CANX: variants seen among roughly 807,000 people sequenced by gnomAD.
The protein encoded by CANX is calnexin, also known as epididymis secretory sperm binding protein.
A neutral mutation model predicts 75.7 loss-of-function variants in CANX; 14 were observed. That is an observed-to-expected ratio of 0.19 (90% CI 0.12 to 0.29). The LOEUF (loss-of-function observed/expected upper bound fraction) is 0.29, where lower values mean the gene tolerates loss of function less well. Ranked by LOEUF, CANX falls within the 10% of genes least tolerant of loss-of-function variation. The pLI is 1.00. For missense variants in CANX, 567 were observed against 713.2 expected (o/e 0.79, Z 2.34); for synonymous variants, 227 against 236.9 (o/e 0.96, Z 0.38).
At chr5:179,725,304 T>A (rs528053610) in intron 13 of CANX, among the ~76,000 whole-genome samples, 1 of 151,964 alleles carries the variant, frequency 6.6e-6, no homozygotes, top group Non-Finnish European at 1.5e-5. Flanking sequence ...CCTCCCAGAT[T>A]CAAGCGATTC....
upstream of CANX, chr5:179,698,362 T>C (rs1581829960): frequency 1.8e-5 from 21 of 1,177,476 alleles, no homozygotes; most frequent in South Asian, 3.2e-4. Context: ...CGCAGGCTCC[T>C]GGGCCGAGCC....
rs566852522 is a variant in CANX, at chr5:179,692,768, G to A, written c.-3-12911G>A. Among the ~76,000 whole-genome samples the A allele has an allele frequency of 4.6e-5, 7 of 152,140 alleles. No homozygotes were observed. The South Asian group carries it at 1.2e-3, about 27-fold the overall frequency. The stretch of plus-strand genomic sequence containing the variant: ...TGGGCTCAAGTGATCTGCCTGCCTC[G>A]GCCTCCCAAATTGCTGGCATTACTG... On this transcript the variant is annotated intron_variant, in intron 1 of 14. Transcript: ENST00000681674.
Position 179,723,753 on chromosome 5 carries a change from G to A in CANX, c.1492G>A (p.Val498Ile), listed in dbSNP as rs765315948. ...AACTGTAGCCCTTCCTGTGTTCCTG[G>A]TTATCCTCTTCTGCTGTTCTGGAAA... is the stretch of plus-strand genomic sequence containing the variant. ...ILTVALPVFL[V>I]ILFCCSGKKQ... The change falls in exon 12 of 15, where the codon GTT (valine) becomes ATT (isoleucine). Residue 498 changes from valine to isoleucine, a missense_variant. By Grantham distance (29) the Val-to-Ile change is conservative. Coordinates refer to ENST00000247461, the MANE Select transcript of CANX (RefSeq NM_001746.4). The A allele has an allele frequency of 1.2e-6, 2 of 1,612,150 alleles. No homozygotes were observed.
Position 179,726,599 on chromosome 5 carries a change from G to GAT in CANX, c.1646-80_1646-79dup. On this transcript the variant is annotated intron_variant, in intron 13 of 14. Transcript: ENST00000247461. ...TCCAAAAAAAAAAAAAAAAATTGTA[G>GAT]ATCTAGAGATGTGTTCTAATGCTAA... 6 of 754,096 alleles carry GAT rather than the reference G, an allele frequency of 8.0e-6. No individual in the cohort carries two copies. In the South Asian group the frequency reaches 1.1e-4, roughly 13 times the overall value. 46.7% of individuals were successfully genotyped at this position (754,096 alleles called of 1,614,324 possible). A position where few individuals can be genotyped will look rare whatever the true frequency, so the allele number is the denominator to read the frequency against.
chr5:179,707,360 A>G (rs1204825094), intron 4 of CANX, among the ~76,000 whole-genome samples, 170 bp downstream of exon 4: 1 of 152,160 alleles, frequency 6.6e-6, no homozygotes, highest in Non-Finnish European at 1.5e-5. Context: ...CAAGGCGGGC[A>G]GATCACGAGG....
intron 6 of CANX, 21 bp downstream of exon 6, chr5:179,709,080 G>C (rs1777345838): frequency 2.1e-6 from 3 of 1,402,874 alleles, no homozygotes; most frequent in Non-Finnish European, 3.0e-6. Flanking sequence ...CCCATTTCTG[G>C]AATGTGGCTG....
rs1473921251 is a variant in CANX at position 179,730,885 on chromosome 5, G to A, written c.*2241G>A. The stretch of plus-strand genomic sequence containing the variant: ...TACTCCTCACTTTTCAATTTGTCAT[G>A]TTACTAAATGGTGTTACATTAAAGC... On this transcript the variant is annotated 3_prime_UTR_variant, in exon 15 of 15. Transcript: ENST00000247461. 2.0e-5 allele frequency: 3 copies of A among 152,182 alleles called. No homozygotes were observed. The highest frequency in any genetic ancestry group is 2.9e-5 in the Non-Finnish European group (2 of 68,046). 9.4% of individuals were successfully genotyped at this position (152,182 alleles called of 1,614,324 possible).
intron 1 of CANX, among the ~76,000 whole-genome samples, chr5:179,692,447 T>G (rs1003584289): frequency 6.6e-6 from 1 of 152,076 alleles, no homozygotes; most frequent in Non-Finnish European, 1.5e-5. Context: ...GTGGTTCACA[T>G]CTGTAATCCC....
In CANX at chr5:179,684,530, C is replaced by T. The variant is rs903642699; in HGVS notation, c.-4+5753C>T. Among the ~76,000 whole-genome samples, 6 of 151,120 alleles carry T rather than the reference C, an allele frequency of 4.0e-5. No individual in the cohort carries two copies. In the East Asian group the frequency reaches 5.9e-4, roughly 15 times the overall value. On this transcript the variant is annotated intron_variant, in intron 1 of 14. Coordinates refer to the CANX transcript ENST00000681674. ...AATTTTTTTGTATTTTTAGTAGAGA[C>T]GGGGTTTCACTGTGTTAGCCAGGAT...
chr5:179,698,707 C>A, upstream of CANX: 1 of 858,088 alleles, frequency 1.2e-6, no homozygotes. Flanking sequence ...GCGCGCCCGG[C>A]GGTCTCGATC....
chr5:179,681,633 G>C (rs1776067420), intron 1 of CANX, among the ~76,000 whole-genome samples: 1 of 152,138 alleles, frequency 6.6e-6, no homozygotes, highest in African/African-American at 2.4e-5. Context: ...CAGGGCAGCT[G>C]AGAGTTACCA....
Position 179,708,221 on chromosome 5 carries a change from T to C in CANX, c.305-18T>C. On this transcript the variant is annotated intron_variant, in intron 4 of 14. Coordinates refer to ENST00000247461, the MANE Select transcript of CANX (RefSeq NM_001746.4). ...GAGGTAGAGTTAAGCAGTGGAACTT[T>C]TTTGTGTTGTCTTGTAGGAAAGTGG... 6.2e-7 allele frequency: 1 copy of C among 1,612,168 alleles called. No homozygotes were observed. The highest frequency in any genetic ancestry group is 1.3e-5 in the African/African-American group (1 of 74,984).
At chr5:179,706,213 T>G in intron 2 of CANX, 45 bp from the exon 3 acceptor site, 1 of 1,080,056 alleles carries the variant, frequency 9.3e-7, no homozygotes, top group Non-Finnish European at 1.4e-6. Context: ...AAAAGGCATG[T>G]TGCTGAAAAT....
At chr5:179,702,899 A>C (rs1181052455) in intron 1 of CANX, among the ~76,000 whole-genome samples, 1 of 151,944 alleles carries the variant, frequency 6.6e-6, no homozygotes, top group East Asian at 1.9e-4. Context: ...CCTCCTGAGT[A>C]ACTGGGATTA....
chr5:179,682,659 G>A (rs7443139), intron 1 of CANX, among the ~76,000 whole-genome samples: 2,830 of 139,452 alleles, frequency 0.02, 94 homozygotes, highest in African/African-American at 0.07. Flanking sequence ...GCAGTTAGCC[G>A]AGATCACACC....
chr5:179,698,635 C>T (rs1221827282), upstream of CANX: 1 of 1,244,198 alleles, frequency 8.0e-7, no homozygotes, highest in Non-Finnish European at 1.1e-6. Context: ...GTTGGAACGC[C>T]CCGAAGGCAC....
intron 1 of CANX, 33 bp downstream of exon 1, chr5:179,699,135 C>T (rs1776550626): frequency 2.0e-6 from 2 of 1,004,542 alleles, no homozygotes; most frequent in African/African-American, 1.7e-5. Context: ...GTCCTCGGGC[C>T]TGTGAGGACC....
intron 1 of CANX, among the ~76,000 whole-genome samples, chr5:179,685,159 C>T (rs916358100): frequency 8.6e-5 from 13 of 152,036 alleles, no homozygotes; most frequent in South Asian, 2.1e-4. Context: ...AGCGCAGTGG[C>T]GCAACCTCGG....
At chr5:179,700,748 C>G (rs1347801644) in intron 1 of CANX, 1 of 153,256 alleles carries the variant, frequency 6.5e-6, no homozygotes. Context: ...CACACTATTG[C>G]ATCCTTTTAG....
Sources: allele counts gnomAD v4.1 joint callset (sites outside exome capture counted in the v4.1 genomes callset), GRCh38; gene constraint gnomAD v4.1.1; transcripts MANE v1.5; gene names NCBI Gene and HGNC (gene_info 2026-07-23, HGNC 2026-07-21).